The following COL19A1 variants were observed in gnomAD, a reference collection of about 807,000 sequenced individuals.
The protein encoded by COL19A1 is collagen type XIX alpha 1 chain, also known as collagen alpha-1(XIX) chain.
COL19A1 carries 159 observed loss-of-function variants against 190.2 expected under a neutral mutation model. The ratio of observed to expected loss-of-function variants is 0.84; its 90% confidence interval spans 0.73 to 0.95. The LOEUF (loss-of-function observed/expected upper bound fraction) is 0.95. Among genes scored for constraint, COL19A1 ranks in the 40% least tolerant of loss-of-function variants. The pLI is 0.00. For synonymous variants in COL19A1, 509 were observed against 458.9 expected (o/e 1.11, Z -1.39); for missense variants, 1,418 against 1,431.9 (o/e 0.99, Z 0.16).
intron 15 of COL19A1, among the ~76,000 whole-genome samples, chr6:70,092,116 G>A (rs1384749045): frequency 6.6e-6 from 1 of 152,080 alleles, no homozygotes; most frequent in East Asian, 1.9e-4. Flanking sequence ...CTAAAGCCTG[G>A]GGATAAGTAT....
chr6:70,124,652 A>G (rs1408383676), intron 17 of COL19A1, among the ~76,000 whole-genome samples: 2 of 152,174 alleles, frequency 1.3e-5, no homozygotes, highest in Admixed American at 1.3e-4. Flanking sequence ...AACTCACCTA[A>G]AAGAACCCCA....
chr6:70,185,487 G>T (rs897204004), intron 46 of COL19A1, among the ~76,000 whole-genome samples: 9 of 152,138 alleles, frequency 5.9e-5, no homozygotes, highest in African/African-American at 1.9e-4. Flanking sequence ...TGGTGTGAGG[G>T]GTTAGAGAAA....
chr6:70,176,551 T>C lies in COL19A1; in HGVS notation c.2654T>C (p.Ile885Thr). 1 of 1,613,576 alleles carries C rather than the reference T, an allele frequency of 6.2e-7. No individual in the cohort carries two copies. Among genetic ancestry groups the C allele is most frequent in the Non-Finnish European group, 8.5e-7 (1 of 1,179,748 alleles). Residue 885 changes from isoleucine (I) to threonine (T), a missense_variant, in exon 42 of 51, where the codon ATA becomes ACA. Physicochemically the swap from Ile to Thr is moderately conservative, Grantham distance 89. Transcript: ENST00000620364. ...GDRGPAGPPG[I>T]AGMSGKPGAP... ...CGAGGCCCAGCAGGTCCCCCAGGAA[T>C]AGCAGGGATGTCGGTGAGTTCAGAT...
At chr6:70,123,589 A>C (rs1439230771) in intron 17 of COL19A1, among the ~76,000 whole-genome samples, 1 of 130,138 alleles carries the variant, frequency 7.7e-6, no homozygotes, top group Non-Finnish European at 1.6e-5. Flanking sequence ...CTGGATTAAG[A>C]AAATGTGGCA....
At chr6:70,176,430 A>G (rs1765807243) in intron 41 of COL19A1, 90 bp from the exon 42 acceptor site, 3 of 1,383,388 alleles carry the variant, frequency 2.2e-6, no homozygotes, top group African/African-American at 2.9e-5. Flanking sequence ...GGAAAGCTTT[A>G]CCAAATCCAA....
chr6:70,201,564 A>G (rs1767557327), intron 49 of COL19A1, among the ~76,000 whole-genome samples: 1 of 152,226 alleles, frequency 6.6e-6, no homozygotes, highest in Non-Finnish European at 1.5e-5. Context: ...ACCAAGGTTT[A>G]CTAAAATTGT....
intron 15 of COL19A1, among the ~76,000 whole-genome samples, chr6:70,087,977 G>C (rs1009195903): frequency 6.6e-6 from 1 of 152,084 alleles, no homozygotes; most frequent in Admixed American, 6.6e-5. Context: ...TTAGATATTT[G>C]CCAAGAATGT....
intron 18 of COL19A1, among the ~76,000 whole-genome samples, chr6:70,135,774 A>G (rs866944408): frequency 1.3e-5 from 2 of 152,138 alleles, no homozygotes; most frequent in Non-Finnish European, 2.9e-5. Context: ...ATCTGATTGG[A>G]CAGCTTCAAA....
At chr6:70,067,738 G>A (rs533436813) in intron 14 of COL19A1, among the ~76,000 whole-genome samples, 144 of 152,150 alleles carry the variant, frequency 9.5e-4, no homozygotes, top group African/African-American at 3.3e-3. Context: ...GAAAGAAGTA[G>A]TCATAACTGC....
Position 69,907,106 on chromosome 6 carries a change from TA to T in COL19A1, c.266+6769del, listed in dbSNP as rs1406427139. 1.2e-4 allele frequency among the ~76,000 whole-genome samples: 17 copies of T among 136,664 alleles called. No individual in the cohort carries two copies. The South Asian group carries it at 1.5e-3, about 12-fold the overall frequency. The allele number at this position is 136,664 out of a possible 152,430, so 89.7% of individuals were successfully genotyped here. On this transcript the variant is annotated intron_variant, in intron 4 of 50. Coordinates refer to ENST00000620364, the MANE Select transcript of COL19A1 (RefSeq NM_001858.6). ...ACTATCTTCAGATTATTATTATTATTATTTTTTTTTTTTTTTTTTTTTGAGA... is the reference window on the plus strand; with the variant it reads ...ACTATCTTCAGATTATTATTATTATTTTTTTTTTTTTTTTTTTTTTTGAGA...
chr6:70,129,000 G>C (rs1279974503), intron 17 of COL19A1, among the ~76,000 whole-genome samples: 1 of 152,168 alleles, frequency 6.6e-6, no homozygotes, highest in Non-Finnish European at 1.5e-5. Context: ...AAACTAACAG[G>C]AGGCTTTTAG....
chr6:70,197,538 T>A (rs1179367559), intron 48 of COL19A1, among the ~76,000 whole-genome samples: 2 of 152,212 alleles, frequency 1.3e-5, no homozygotes, highest in Non-Finnish European at 2.9e-5. Flanking sequence ...TGCCCCAAGT[T>A]CATAATTTGA....
chr6:69,982,509 G>T (rs576478910), intron 11 of COL19A1, among the ~76,000 whole-genome samples: 4 of 151,734 alleles, frequency 2.6e-5, no homozygotes, highest in African/African-American at 9.7e-5. Context: ...ACAGTGCTGG[G>T]ATTACAGGGG....
chr6:69,931,851 T>A (rs1006114903), intron 6 of COL19A1, among the ~76,000 whole-genome samples: 1 of 152,052 alleles, frequency 6.6e-6, no homozygotes, highest in African/African-American at 2.4e-5. Flanking sequence ...TTATAGATTT[T>A]TCCCCCCTTT....
chr6:70,153,523 C>T (rs1324332877), intron 31 of COL19A1, among the ~76,000 whole-genome samples: 3 of 151,948 alleles, frequency 2.0e-5, no homozygotes, highest in African/African-American at 7.2e-5. Context: ...TAACCCTAAC[C>T]CAAAGAAAAT....
intron 2 of COL19A1, among the ~76,000 whole-genome samples, chr6:69,896,410 G>A (rs1425963334): frequency 4.6e-5 from 7 of 151,630 alleles, no homozygotes; most frequent in Non-Finnish European, 7.4e-5. Context: ...GGTGGCGGGT[G>A]CCTGTAGTCC....
intron 14 of COL19A1, among the ~76,000 whole-genome samples, chr6:70,041,204 GA>G (rs1367545829): frequency 6.6e-6 from 1 of 152,096 alleles, no homozygotes; most frequent in Admixed American, 6.6e-5. Flanking sequence ...AAAATTTAAT[GA>G]AATATCTGAT....
At chr6:70,024,651 A>G (rs1422550124) in intron 12 of COL19A1, among the ~76,000 whole-genome samples, 1 of 151,356 alleles carries the variant, frequency 6.6e-6, no homozygotes, top group African/African-American at 2.4e-5. Flanking sequence ...TCTCCCAAAA[A>G]AGAAAGACCC....
chr6:69,921,463 T>C (rs1383756811), intron 4 of COL19A1, among the ~76,000 whole-genome samples: 1 of 129,946 alleles, frequency 7.7e-6, no homozygotes, highest in Admixed American at 8.8e-5. Context: ...ATATATATCA[T>C]ATATATTCAT....
Sources: allele counts gnomAD v4.1 joint callset (sites outside exome capture counted in the v4.1 genomes callset), GRCh38; gene constraint gnomAD v4.1.1; transcripts MANE v1.5; gene names NCBI Gene and HGNC (gene_info 2026-07-23, HGNC 2026-07-21).